Variants in STAU2 observed in about 807,000 individuals in gnomAD.
The protein encoded by STAU2 is staufen double-stranded RNA binding protein 2, also known as double-stranded RNA-binding protein Staufen homolog 2.
In STAU2, 20 loss-of-function variants were observed where a neutral mutation model predicts 65.9. That is an observed-to-expected ratio of 0.30 (90% CI 0.21 to 0.44). The LOEUF (loss-of-function observed/expected upper bound fraction) is 0.44, where lower values mean the gene tolerates loss of function less well. Among genes scored for constraint, STAU2 ranks in the 20% least tolerant of loss-of-function variants. STAU2 has a pLI of 1.00. For synonymous variants in STAU2, 232 were observed against 233.9 expected (o/e 0.99, Z 0.07); for missense variants, 558 against 683.9 (o/e 0.82, Z 2.05).
chr8:73,460,437 A>G (rs917402291), intron 13 of STAU2, among the ~76,000 whole-genome samples: 1 of 152,220 alleles, frequency 6.6e-6, no homozygotes, highest in Non-Finnish European at 1.5e-5. Flanking sequence ...AGAGGTTTTG[A>G]ACAAGTTTAA....
rs1039946899 is a variant in STAU2, at chr8:73,420,482, T to A, written c.*890A>T. ...CTCCAACAGGTTTTTCCCTTCCCCG[T>A]CATGTACATTATTTATTTTTGATCC... On this transcript the variant is annotated 3_prime_UTR_variant, in exon 15 of 15. Coordinates refer to ENST00000524300, the MANE Select transcript of STAU2 (RefSeq NM_001164380.2). 1 of 269,510 alleles carries A rather than the reference T, an allele frequency of 3.7e-6. No individual in the cohort carries two copies. Among genetic ancestry groups the A allele is most frequent in the African/African-American group, 2.2e-5 (1 of 45,816 alleles). 16.7% of individuals were successfully genotyped at this position (269,510 alleles called of 1,614,324 possible). A position where few individuals can be genotyped will look rare whatever the true frequency, so the allele number is the denominator to read the frequency against.
chr8:73,622,271 C>T (rs1313690220), intron 6 of STAU2, among the ~76,000 whole-genome samples: 6 of 121,634 alleles, frequency 4.9e-5, no homozygotes, highest in African/African-American at 1.6e-4. Context: ...GGACTACAGG[C>T]GCCCGCCACC....
At chr8:73,646,938 G>GACAC (rs142043134) in intron 6 of STAU2, among the ~76,000 whole-genome samples, 8,018 of 143,980 alleles carry the variant, frequency 0.056, 286 homozygotes, top group African/African-American at 0.08. Flanking sequence ...CACACAGCCA[G>GACAC]ACACACACAC....
intron 13 of STAU2, among the ~76,000 whole-genome samples, chr8:73,447,650 G>A (rs987918603): frequency 6.6e-6 from 1 of 152,222 alleles, no homozygotes; most frequent in African/African-American, 2.4e-5. Flanking sequence ...CAGGAGGGCA[G>A]CTGCATCCCC....
chr8:73,572,197 C>A (rs1450071754), intron 12 of STAU2, among the ~76,000 whole-genome samples: 1 of 152,086 alleles, frequency 6.6e-6, no homozygotes, highest in African/African-American at 2.4e-5. Context: ...AAGACTAAAC[C>A]AGGAAGAACT....
intron 13 of STAU2, among the ~76,000 whole-genome samples, chr8:73,493,183 T>C (rs1177025207): frequency 6.6e-6 from 1 of 151,856 alleles, no homozygotes. Context: ...ATAAAGCTTT[T>C]AGATGAAATC....
intron 13 of STAU2, among the ~76,000 whole-genome samples, chr8:73,520,265 T>C (rs1822970800): frequency 6.6e-6 from 1 of 152,308 alleles, no homozygotes; most frequent in South Asian, 2.1e-4. Flanking sequence ...GCACCTGAAA[T>C]GTAATAGTTT....
At chr8:73,710,040 G>C (rs1487603416) in intron 3 of STAU2, among the ~76,000 whole-genome samples, 1 of 151,986 alleles carries the variant, frequency 6.6e-6, no homozygotes, top group Non-Finnish European at 1.5e-5. Context: ...CCTCTACTGA[G>C]ACACTGGGTT....
chr8:73,485,851 A>G (rs956780421), intron 13 of STAU2, among the ~76,000 whole-genome samples: 2 of 152,024 alleles, frequency 1.3e-5, no homozygotes, highest in African/African-American at 4.8e-5. Flanking sequence ...CAAACAAACA[A>G]ACAAAACCAT....
rs56149319 is a variant in STAU2, at chr8:73,550,712, A to G, written c.1530+1300T>C. On this transcript the variant is annotated intron_variant, in intron 13 of 14. Coordinates refer to ENST00000524300, the MANE Select transcript of STAU2 (RefSeq NM_001164380.2). ...CAACAAAAACAAATTCTAAAATTGT[A>G]ACTTTAAATTAAGTGGTTAAAATTT... 4.1e-6 allele frequency: 4 copies of G among 987,440 alleles called. No homozygotes were observed. The South Asian group carries it at 1.9e-4, about 46-fold the overall frequency. 61.2% of individuals were successfully genotyped at this position (987,440 alleles called of 1,614,324 possible). A position where few individuals can be genotyped will look rare whatever the true frequency, so the allele number is the denominator to read the frequency against.
chr8:73,677,255 T>C (rs543045981), intron 5 of STAU2, among the ~76,000 whole-genome samples: 1 of 152,286 alleles, frequency 6.6e-6, no homozygotes, highest in Non-Finnish European at 1.5e-5. Context: ...TGTGGACAGC[T>C]CTCATACCGC....
At chr8:73,611,442 A>G (rs1812449135) in intron 9 of STAU2, among the ~76,000 whole-genome samples, 1 of 152,178 alleles carries the variant, frequency 6.6e-6, no homozygotes, top group Admixed American at 6.5e-5. Context: ...TGAGATCTGA[A>G]TGATGCATAG....
chr8:73,460,032 T>C (rs1213579224), intron 13 of STAU2, among the ~76,000 whole-genome samples: 3 of 152,166 alleles, frequency 2.0e-5, no homozygotes, highest in Non-Finnish European at 4.4e-5. Context: ...ACCATTCATA[T>C]AGGTCAGCAC....
chr8:73,620,382 C>G (rs1447295517), intron 6 of STAU2, among the ~76,000 whole-genome samples: 2 of 152,178 alleles, frequency 1.3e-5, no homozygotes, highest in Non-Finnish European at 2.9e-5. Flanking sequence ...AGACCTTTAA[C>G]TACAGTAGAG....
intron 12 of STAU2, among the ~76,000 whole-genome samples, chr8:73,571,184 A>T (rs1809055330): frequency 1.3e-5 from 2 of 152,160 alleles, no homozygotes; most frequent in African/African-American, 4.8e-5. Context: ...TCAATTCAAC[A>T]AGAAGAGCTA....
At chr8:73,743,443 A>C (rs567634142) in intron 1 of STAU2, among the ~76,000 whole-genome samples, 3 of 150,994 alleles carry the variant, frequency 2.0e-5, no homozygotes, top group African/African-American at 7.3e-5. Flanking sequence ...ACACCAAATT[A>C]AAAAAGACTT....
intron 6 of STAU2, 24 bp downstream of exon 6, chr8:73,673,082 AC>A: frequency 2.0e-6 from 3 of 1,519,628 alleles, no homozygotes; most frequent in Non-Finnish European, 2.6e-6. Context: ...ATAATTAAGA[AC>A]AAAACCAAAA....
chr8:73,456,424 C>T (rs1169278995), intron 13 of STAU2, among the ~76,000 whole-genome samples: 1 of 152,150 alleles, frequency 6.6e-6, no homozygotes, highest in African/African-American at 2.4e-5. Context: ...ATCATTCATT[C>T]AGTCAGGTAT....
chr8:73,543,923 G>A (rs1001065574), intron 13 of STAU2, among the ~76,000 whole-genome samples: 12 of 152,078 alleles, frequency 7.9e-5, no homozygotes, highest in Admixed American at 4.6e-4. Context: ...TCACCAGACC[G>A]ATTTCAACTG....
Sources: allele counts gnomAD v4.1 joint callset (sites outside exome capture counted in the v4.1 genomes callset), GRCh38; gene constraint gnomAD v4.1.1; transcripts MANE v1.5; gene names NCBI Gene and HGNC (gene_info 2026-07-23, HGNC 2026-07-21).